SPACA7: variants seen among roughly 807,000 people sequenced by gnomAD.
SPACA7 encodes the protein sperm acrosome associated 7.
A neutral mutation model predicts 26.3 loss-of-function variants in SPACA7; 19 were observed. The observed-to-expected ratio is 0.72, with a 90% confidence interval of 0.50 to 1.06. The LOEUF (loss-of-function observed/expected upper bound fraction) is 1.06. Ranked by LOEUF, SPACA7 falls within the 50% of genes least tolerant of loss-of-function variation. The pLI, the probability that SPACA7 is intolerant of heterozygous loss-of-function variation, is 0.00. For synonymous variants in SPACA7, 84 were observed against 84.5 expected (o/e 0.99, Z 0.04); for missense variants, 211 against 229.9 (o/e 0.92, Z 0.53).
chr13:112,414,923 C>T (rs1886591539), intron 5 of SPACA7, among the ~76,000 whole-genome samples: 1 of 152,234 alleles, frequency 6.6e-6, no homozygotes, highest in Admixed American at 6.5e-5. Flanking sequence ...CCAGTCATCA[C>T]ATGGGCTTTG....
chr13:112,385,802 C>G (rs978268870), intron 1 of SPACA7, among the ~76,000 whole-genome samples: 5 of 152,194 alleles, frequency 3.3e-5, no homozygotes, highest in East Asian at 3.9e-4. Flanking sequence ...GATTTAAGTG[C>G]TTATTTTTTA....
chr13:112,383,383 T>C (rs1249052509), intron 1 of SPACA7, among the ~76,000 whole-genome samples: 1 of 152,182 alleles, frequency 6.6e-6, no homozygotes, highest in Non-Finnish European at 1.5e-5. Context: ...CAGTCCCTAT[T>C]TTTTAAAGAA....
At chr13:112,424,714 G>A (rs989711973) in intron 5 of SPACA7, among the ~76,000 whole-genome samples, 3 of 152,150 alleles carry the variant, frequency 2.0e-5, no homozygotes, top group African/African-American at 7.2e-5. Context: ...AAGCCAAATG[G>A]AAGTGTCCAG....
chr13:112,425,632 CAGAG>C (rs1009100357), intron 5 of SPACA7, among the ~76,000 whole-genome samples: 13 of 140,700 alleles, frequency 9.2e-5, no homozygotes, highest in Admixed American at 2.8e-4. Context: ...AGAGAGAAGA[CAGAG>C]AGAGACAGAG....
intron 4 of SPACA7, among the ~76,000 whole-genome samples, chr13:112,400,106 C>T (rs914979812): frequency 6.6e-6 from 1 of 151,116 alleles, no homozygotes; most frequent in Admixed American, 6.6e-5. Context: ...CTGGGACACA[C>T]ATGTAGGACA....
At chr13:112,423,673 T>C (rs1261190322) in intron 5 of SPACA7, among the ~76,000 whole-genome samples, 3 of 152,184 alleles carry the variant, frequency 2.0e-5, no homozygotes, top group Non-Finnish European at 4.4e-5. Flanking sequence ...GCTATCCCCA[T>C]ATCAGTGAAG....
chr13:112,378,069 G>A (rs979406333), intron 1 of SPACA7, among the ~76,000 whole-genome samples: 1 of 152,142 alleles, frequency 6.6e-6, no homozygotes, highest in African/African-American at 2.4e-5. Context: ...TATGCTGGGG[G>A]CAGAGCGTGG....
At chr13:112,412,884 C>T (rs1389344508) in intron 5 of SPACA7, among the ~76,000 whole-genome samples, 2 of 152,104 alleles carry the variant, frequency 1.3e-5, no homozygotes, top group African/African-American at 4.8e-5. Context: ...AAAACACATC[C>T]TATAACAAGT....
At chr13:112,434,412 C>G in intron 6 of SPACA7, 73 bp from the exon 7 acceptor site, 2 of 1,335,066 alleles carry the variant, frequency 1.5e-6, no homozygotes, top group Non-Finnish European at 1.1e-6. Flanking sequence ...CCTGGTGTCC[C>G]TCGATCCTGC....
intron 5 of SPACA7, among the ~76,000 whole-genome samples, chr13:112,408,916 A>C (rs1023828696): frequency 1.3e-5 from 2 of 152,184 alleles, no homozygotes; most frequent in African/African-American, 4.8e-5. Context: ...AGACAATCCT[A>C]AGCCAAAAAA....
At chr13:112,410,146 C>T (rs563372030) in intron 5 of SPACA7, among the ~76,000 whole-genome samples, 29 of 151,974 alleles carry the variant, frequency 1.9e-4, no homozygotes, top group Non-Finnish European at 3.7e-4. Context: ...TGTTCTCACT[C>T]ATAGGTGGGA....
chr13:112,390,763 C>T (rs112144569), intron 1 of SPACA7, among the ~76,000 whole-genome samples: 3,041 of 152,272 alleles, frequency 0.02, 113 homozygotes, highest in African/African-American at 0.069. Flanking sequence ...AAGGGGGACG[C>T]CAGCCCCCGT....
At chr13:112,424,014 T>C (rs150342835) in intron 5 of SPACA7, among the ~76,000 whole-genome samples, 2 of 152,264 alleles carry the variant, frequency 1.3e-5, no homozygotes, top group African/African-American at 4.8e-5. Flanking sequence ...GCGTTTCACA[T>C]TGAGAGAACT....
chr13:112,412,053 G>T (rs1356636619), intron 5 of SPACA7, among the ~76,000 whole-genome samples: 1 of 151,924 alleles, frequency 6.6e-6, no homozygotes, highest in African/African-American at 2.4e-5. Flanking sequence ...GGCTGAACTA[G>T]TTTACACTCC....
intron 5 of SPACA7, among the ~76,000 whole-genome samples, chr13:112,404,908 T>G (rs565415957): frequency 6.6e-6 from 1 of 152,080 alleles, no homozygotes; most frequent in Non-Finnish European, 1.5e-5. Flanking sequence ...AAGCTCTTTT[T>G]TCATTCCATA....
chr13:112,404,287 C>A (rs890296751), intron 5 of SPACA7, among the ~76,000 whole-genome samples: 3 of 151,834 alleles, frequency 2.0e-5, no homozygotes, highest in Middle Eastern at 3.2e-3. Flanking sequence ...TTTTTTCTTG[C>A]TGATTTTTTC....
At chr13:112,403,930 G>A (rs577316687) in intron 5 of SPACA7, among the ~76,000 whole-genome samples, 3 of 152,134 alleles carry the variant, frequency 2.0e-5, no homozygotes, top group Non-Finnish European at 4.4e-5. Flanking sequence ...TTTCCTCTGG[G>A]TAGATATGCA....
intron 1 of SPACA7, chr13:112,378,629 T>C (rs1883845469): frequency 2.1e-6 from 1 of 469,592 alleles, no homozygotes; most frequent in African/African-American, 2.0e-5. Context: ...TGGGTGAATT[T>C]CTCTCTTCCG....
At chr13:112,378,870 T>A in intron 1 of SPACA7, 1 of 371,440 alleles carries the variant, frequency 2.7e-6, no homozygotes, top group South Asian at 2.2e-5. Flanking sequence ...TCGTGTCCTG[T>A]TGCAAGGAGA....
Sources: allele counts gnomAD v4.1 joint callset (sites outside exome capture counted in the v4.1 genomes callset), GRCh38; gene constraint gnomAD v4.1.1; transcripts MANE v1.5; gene names NCBI Gene and HGNC (gene_info 2026-07-23, HGNC 2026-07-21).